CPA6: variants seen among roughly 807,000 people sequenced by gnomAD.
CPA6 encodes carboxypeptidase B.
Under a neutral mutation model 63.3 loss-of-function variants are expected in CPA6, and 58 were observed. The observed-to-expected ratio is 0.92, with a 90% CI of 0.74 to 1.14. The LOEUF is 1.14. Ranked by LOEUF, CPA6 falls within the 50% of genes most tolerant of loss-of-function variation. The probability of loss-of-function intolerance (pLI) is 0.00; values close to 1 mark genes in which losing one functional copy is unlikely to be tolerated. For synonymous variants in CPA6, 185 were observed against 179.0 expected, an observed-to-expected ratio of 1.03 and a Z score of -0.27; for missense variants, 565 against 526.6, an observed-to-expected ratio of 1.07 and a Z score of -0.71.
At chr8:67,666,734 A>G (rs1037789855) in intron 1 of CPA6, among the ~76,000 whole-genome samples, 4 of 152,086 alleles carry the variant, frequency 2.6e-5, no homozygotes, top group African/African-American at 4.8e-5. Context: ...GATGTCCCTC[A>G]CTGAAGAATG....
chr8:67,554,956 C>A (rs1216375745), intron 2 of CPA6, among the ~76,000 whole-genome samples: 1 of 152,168 alleles, frequency 6.6e-6, no homozygotes. Flanking sequence ...GCAGTCCAAT[C>A]GTCTGAATCA....
intron 2 of CPA6, among the ~76,000 whole-genome samples, chr8:67,563,645 C>G (rs1813267499): frequency 6.6e-6 from 1 of 152,090 alleles, no homozygotes; most frequent in Non-Finnish European, 1.5e-5. Context: ...GGCTGTGGGG[C>G]TCAGGGACGA....
rs552439389 is a variant in CPA6, at chr8:67,516,051, C to T, written c.317+1872G>A. Among the ~76,000 whole-genome samples, 4 of 152,244 alleles carry T rather than the reference C, an allele frequency of 2.6e-5. No homozygotes were observed. The East Asian group carries it at 7.7e-4, about 29-fold the overall frequency. On this transcript the variant is annotated intron_variant, in intron 3 of 10. Transcript: ENST00000297770. Reference sequence around the variant, plus strand: ...CTTGAACTATTATTTCACTGAGGACCTCAACTTTCTCGCCACCCTGACCTT... The same window carrying T: ...CTTGAACTATTATTTCACTGAGGACTTCAACTTTCTCGCCACCCTGACCTT...
chr8:67,490,316 A>G (rs1428171333), intron 6 of CPA6, among the ~76,000 whole-genome samples: 1 of 152,146 alleles, frequency 6.6e-6, no homozygotes, highest in Non-Finnish European at 1.5e-5. Flanking sequence ...ATCGATACAT[A>G]CCCTCCATAC....
At position 67,630,063 on chromosome 8, in the gene CPA6, C is replaced by T. The variant is rs564486031; in HGVS notation, c.117-5812G>A. Among the ~76,000 whole-genome samples the T allele has an allele frequency of 1.6e-3, 247 of 151,596 alleles. 2 individuals carry two copies. The highest frequency in any genetic ancestry group is 2.7e-3 in the South Asian group (13 of 4,786). On this transcript the variant is annotated intron_variant, in intron 1 of 10. Transcript: ENST00000297770. ...GAACTTGTAGTGAGCCGAGATTGCA[C>T]CACCGCACTCCAGTCCGGGCGACAG...
rs371660421 is a variant in CPA6 at position 67,630,867 on chromosome 8, G to T, written c.117-6616C>A. Among the ~76,000 whole-genome samples, 62 of 152,356 alleles carry T rather than the reference G, an allele frequency of 4.1e-4. No homozygotes were observed. In the South Asian group the frequency reaches 5.0e-3, roughly 12 times the overall value. ...AGGGCAGTGAGAGGCTTACCACCTG[G>T]GCCAGCAGCTGCGGAGGCTGCACTG... On this transcript the variant is annotated intron_variant, in intron 1 of 10. Coordinates refer to ENST00000297770, the MANE Select transcript of CPA6 (RefSeq NM_020361.5).
At chr8:67,714,473 C>T (rs1267040370) in intron 1 of CPA6, among the ~76,000 whole-genome samples, 2 of 152,120 alleles carry the variant, frequency 1.3e-5, no homozygotes, top group Non-Finnish European at 2.9e-5. Flanking sequence ...CTTCGGGAGC[C>T]CGAGCACTCC....
intron 1 of CPA6, among the ~76,000 whole-genome samples, chr8:67,702,427 C>T (rs913853533): frequency 6.6e-6 from 1 of 151,978 alleles, no homozygotes; most frequent in Admixed American, 6.6e-5. Context: ...GGCTCCCACC[C>T]CCACCAGGAA....
intron 8 of CPA6, among the ~76,000 whole-genome samples, chr8:67,467,875 G>A (rs1031274608): frequency 2.2e-5 from 3 of 137,194 alleles, no homozygotes; most frequent in Middle Eastern, 3.6e-3. Context: ...CGACAAGAGC[G>A]AAACCCCGTC....
intron 2 of CPA6, among the ~76,000 whole-genome samples, chr8:67,563,134 C>T (rs1286105577): frequency 1.3e-5 from 2 of 150,850 alleles, no homozygotes; most frequent in Non-Finnish European, 3.0e-5. Flanking sequence ...AAAAAAAACA[C>T]AACCAGGGCC....
intron 6 of CPA6, among the ~76,000 whole-genome samples, chr8:67,499,022 A>AT (rs1483842402): frequency 2.0e-5 from 3 of 152,240 alleles, no homozygotes; most frequent in African/African-American, 7.2e-5. Flanking sequence ...GAGATAATGA[A>AT]TTCATTTTTG....
chr8:67,496,570 T>A (rs1302334900), intron 6 of CPA6, among the ~76,000 whole-genome samples: 243 of 142,942 alleles, frequency 1.7e-3, no homozygotes, highest in African/African-American at 5.7e-3. Flanking sequence ...TATTTTATTT[T>A]TTTTTTTTGA....
chr8:67,685,639 A>T (rs900704487), intron 1 of CPA6, among the ~76,000 whole-genome samples: 1 of 152,176 alleles, frequency 6.6e-6, no homozygotes, highest in African/African-American at 2.4e-5. Context: ...AATAAAAAAT[A>T]AAAAAACTAG....
At chr8:67,707,913 C>CAA (rs35572918) in intron 1 of CPA6, among the ~76,000 whole-genome samples, 4,833 of 126,852 alleles carry the variant, frequency 0.038, 277 homozygotes, top group African/African-American at 0.13. Context: ...GACTCCATCT[C>CAA]AAAAAAAAAA....
At chr8:67,666,731 C>T (rs1816237265) in intron 1 of CPA6, among the ~76,000 whole-genome samples, 1 of 152,074 alleles carries the variant, frequency 6.6e-6, no homozygotes. Context: ...CACGATGTCC[C>T]TCACTGAAGA....
chr8:67,710,353 C>T (rs888631780), intron 1 of CPA6, among the ~76,000 whole-genome samples: 6 of 152,070 alleles, frequency 3.9e-5, no homozygotes, highest in African/African-American at 1.4e-4. Flanking sequence ...TCTGGGAAAG[C>T]CCCAGCTGCA....
rs756306763 is a variant in CPA6, at chr8:67,517,986, T to G, written c.254A>C (p.His85Pro). The G allele has an allele frequency of 1.2e-6, 2 of 1,613,148 alleles. No individual in the cohort carries two copies. The highest frequency in any genetic ancestry group is 1.7e-6 in the Non-Finnish European group (2 of 1,179,680). Residue 85 changes from histidine to proline, a missense_variant, in exon 3 of 11, where the codon CAT becomes CCT. Coordinates refer to ENST00000297770, the MANE Select transcript of CPA6 (RefSeq NM_020361.5). ...GGCTCGGGAACCATTTTGGGGGATA[T>G]GGACATCAGTAACTGTTCCCTCTGA... Reference protein sequence around the residue: ...YVSEGTVTDVHIPQNGSRALL... With the variant: ...YVSEGTVTDVPIPQNGSRALL...
At chr8:67,450,338 C>T (rs1012575245) in intron 8 of CPA6, among the ~76,000 whole-genome samples, 3 of 152,186 alleles carry the variant, frequency 2.0e-5, no homozygotes, top group African/African-American at 7.2e-5. Context: ...ATCAGACCCT[C>T]TTATAGATAA....
At chr8:67,680,384 T>C (rs1459273151) in intron 1 of CPA6, among the ~76,000 whole-genome samples, 2 of 151,652 alleles carry the variant, frequency 1.3e-5, no homozygotes, top group Non-Finnish European at 2.9e-5. Context: ...GTGTATGTAG[T>C]CCTAGCTATT....
Sources: allele counts gnomAD v4.1 joint callset (sites outside exome capture counted in the v4.1 genomes callset), GRCh38; gene constraint gnomAD v4.1.1; transcripts MANE v1.5; gene names NCBI Gene and HGNC (gene_info 2026-07-23, HGNC 2026-07-21).